MYBPC1: variants seen among roughly 807,000 people sequenced by gnomAD.
MYBPC1 encodes myosin binding protein C1.
Under a neutral mutation model 147.1 loss-of-function variants are expected in MYBPC1, and 52 were observed. The ratio of observed to expected loss-of-function variants is 0.35; its 90% CI spans 0.28 to 0.45. The LOEUF is 0.45. Ranked by LOEUF, MYBPC1 falls within the 20% of genes least tolerant of loss-of-function variation. The pLI, the probability that MYBPC1 is intolerant of heterozygous loss-of-function variation, is 1.00. For missense variants in MYBPC1, 1,228 were observed against 1,440.3 expected (o/e 0.85, Z 2.39); for synonymous variants, 477 against 475.9 (o/e 1.00, Z -0.03).
downstream of MYBPC1, among the ~76,000 whole-genome samples, chr12:101,689,940 C>T (rs781325661): frequency 2.6e-5 from 4 of 152,014 alleles, no homozygotes; most frequent in Non-Finnish European, 4.4e-5. Context: ...TTTGGGAGGC[C>T]GAGGCAGGTG....
At chr12:101,636,528 C>T in intron 9 of MYBPC1, 144 bp from the exon 10 acceptor site, 1 of 721,366 alleles carries the variant, frequency 1.4e-6, no homozygotes, top group Non-Finnish European at 2.5e-6. Flanking sequence ...TAACATGTCA[C>T]TTGTGTGAAA....
chr12:101,675,438 T>C lies in MYBPC1; in HGVS notation c.2949+7T>C. The C allele has an allele frequency of 2.5e-6, 4 of 1,614,026 alleles. No individual in the cohort carries two copies. The highest frequency in any genetic ancestry group is 3.4e-6 in the Non-Finnish European group (4 of 1,179,942). The stretch of plus-strand genomic sequence containing the variant: ...GGCTGACAAGAAGAGCATGGTAAGG[T>C]CTGGCTTTCTCTGGTTCATCAGTAG... On this transcript the variant is annotated splice_region_variant and intron_variant, in intron 26 of 31. Coordinates refer to ENST00000361466, the MANE Select transcript of MYBPC1 (RefSeq NM_002465.4).
rs1222091771 is a variant in MYBPC1 at position 101,667,724 on chromosome 12, G to A, written c.2357-8G>A. 1.9e-6 allele frequency: 3 copies of A among 1,613,820 alleles called. No individual in the cohort carries two copies. Among genetic ancestry groups the A allele is most frequent in the Non-Finnish European group, 2.5e-6 (3 of 1,179,986 alleles). Reference sequence around the variant, plus strand: ...CTCCTTCTTTTCCTTTTCTTTTACGGACTTCAGCTGAGGACTGGATAGTTG... The same window carrying A: ...CTCCTTCTTTTCCTTTTCTTTTACGAACTTCAGCTGAGGACTGGATAGTTG... On this transcript the variant is annotated splice_region_variant and splice_polypyrimidine_tract_variant and intron_variant, in intron 22 of 31. Coordinates refer to ENST00000361466, the MANE Select transcript of MYBPC1 (RefSeq NM_002465.4).
intron 20 of MYBPC1, among the ~76,000 whole-genome samples, chr12:101,661,915 A>G (rs200421302): frequency 9.6e-5 from 1 of 10,400 alleles, no homozygotes; most frequent in Non-Finnish European, 3.3e-4. Flanking sequence ...AAAAAAAAAA[A>G]GAAAGAAAAA....
Position 101,669,877 on chromosome 12 carries a change from C to T in MYBPC1, c.2525-444C>T, listed in dbSNP as rs571717319. On this transcript the variant is annotated intron_variant, in intron 23 of 31. Coordinates refer to ENST00000361466, the MANE Select transcript of MYBPC1 (RefSeq NM_002465.4). Reference sequence around the variant, plus strand: ...GCTTGAACCCAGGAGGCGGAGGTTGCAGTGAGCAATGCCACTGCACTCCAG... The same window carrying T: ...GCTTGAACCCAGGAGGCGGAGGTTGTAGTGAGCAATGCCACTGCACTCCAG... 167 of 262,790 alleles carry T rather than the reference C, an allele frequency of 6.4e-4. 2 individuals are homozygous for T. The highest frequency in any genetic ancestry group is 4.8e-3 in the South Asian group (145 of 30,104). 16.3% of individuals were successfully genotyped at this position (262,790 alleles called of 1,614,324 possible).
At chr12:101,678,714 AG>A (rs1413845430) in intron 28 of MYBPC1, among the ~76,000 whole-genome samples, 2 of 152,222 alleles carry the variant, frequency 1.3e-5, no homozygotes, top group Non-Finnish European at 1.5e-5. Context: ...GAGATTAGAA[AG>A]GTTTCAAGGT....
intron 19 of MYBPC1, chr12:101,660,129 C>G: frequency 2.7e-6 from 1 of 375,282 alleles, no homozygotes; most frequent in Non-Finnish European, 4.9e-6. Context: ...TTAGATCTGC[C>G]TTGTCCTTAG....
At position 101,657,653 on chromosome 12, in the gene MYBPC1, G is replaced by C. The variant is rs116325991; in HGVS notation, c.1768-2019G>C. ...CTAAAACTCACACAAGAAGAAATAG[G>C]CAATCAGAAAAGGATTATCTCTATT... On this transcript the variant is annotated intron_variant, in intron 18 of 31. Coordinates refer to ENST00000361466, the MANE Select transcript of MYBPC1 (RefSeq NM_002465.4). Among the ~76,000 whole-genome samples the C allele has an allele frequency of 4.9e-3, 749 of 152,214 alleles. 9 individuals carry two copies. The highest frequency in any genetic ancestry group is 0.017 in the African/African-American group (716 of 41,532).
intron 1 of MYBPC1, among the ~76,000 whole-genome samples, chr12:101,610,843 GTGCAGGCCCGGGC>G (rs1314818280): frequency 6.6e-6 from 1 of 152,202 alleles, no homozygotes; most frequent in Non-Finnish European, 1.5e-5. Flanking sequence ...GGGAAAGGAA[GTGCAGGCCCGGGC>G]TGCAGAGCCC....
chr12:101,666,620 C>G (rs1350832288), intron 22 of MYBPC1: 1 of 985,034 alleles, frequency 1.0e-6, no homozygotes, highest in Non-Finnish European at 1.6e-6. Flanking sequence ...CGTCACTGCT[C>G]TGAGGACAAA....
intron 20 of MYBPC1, among the ~76,000 whole-genome samples, chr12:101,661,652 G>A (rs1896568176): frequency 6.6e-6 from 1 of 152,066 alleles, no homozygotes. Flanking sequence ...ACTTTGGGAG[G>A]CCTAGGTGGG....
chr12:101,648,302 T>G, intron 14 of MYBPC1, 152 bp downstream of exon 14: 1 of 579,402 alleles, frequency 1.7e-6, no homozygotes, highest in Non-Finnish European at 3.1e-6. Context: ...AAAAGTATAC[T>G]AATATACTGG....
At position 101,649,538 on chromosome 12, in the gene MYBPC1, T is replaced by C. The variant is rs183784244; in HGVS notation, c.1363+112T>C. On this transcript the variant is annotated intron_variant, in intron 15 of 31. Coordinates refer to ENST00000361466, the MANE Select transcript of MYBPC1 (RefSeq NM_002465.4). ...TTCTATTTGCGATGATTTTTAAGTA[T>C]GTAAAATGGATTTCATTCCAGCTAA... 7 of 1,276,732 alleles carry C rather than the reference T, an allele frequency of 5.5e-6. No homozygotes were observed. In the African/African-American group the frequency reaches 5.9e-5, roughly 11 times the overall value. The allele number at this position is 1,276,732 out of a possible 1,614,324, so 79.1% of individuals were successfully genotyped here. A position where few individuals can be genotyped will look rare whatever the true frequency, so the allele number is the denominator to read the frequency against.
chr12:101,630,831 C>A (rs1190447448), intron 6 of MYBPC1, among the ~76,000 whole-genome samples: 1 of 152,096 alleles, frequency 6.6e-6, no homozygotes, highest in East Asian at 1.9e-4. Flanking sequence ...CCAAATAAAT[C>A]TTTATAAGGG....
chr12:101,643,562 A>G (rs1335476284), intron 11 of MYBPC1, among the ~76,000 whole-genome samples: 6 of 152,302 alleles, frequency 3.9e-5, no homozygotes, highest in Admixed American at 3.9e-4. Flanking sequence ...GAGCTTACCT[A>G]AACAATAGTA....
chr12:101,602,571 T>C (rs1284760373), intron 1 of MYBPC1, among the ~76,000 whole-genome samples: 1 of 152,168 alleles, frequency 6.6e-6, no homozygotes, highest in African/African-American at 2.4e-5. Flanking sequence ...AGCATTTTCC[T>C]CCTAAAGCAG....
chr12:101,651,504 T>C (rs1181010687), intron 16 of MYBPC1, 111 bp downstream of exon 16: 7 of 1,413,094 alleles, frequency 5.0e-6, no homozygotes, highest in Non-Finnish European at 7.0e-6. Flanking sequence ...AGGGAGATCA[T>C]CTATTCCTGA....
At chr12:101,619,820 T>C (rs904217522) in intron 3 of MYBPC1, among the ~76,000 whole-genome samples, 4 of 152,240 alleles carry the variant, frequency 2.6e-5, no homozygotes, top group African/African-American at 9.6e-5. Context: ...CTATTAAGAA[T>C]ATTATTCATC....
intron 3 of MYBPC1, among the ~76,000 whole-genome samples, chr12:101,623,024 A>T (rs1274844668): frequency 6.6e-6 from 1 of 152,138 alleles, no homozygotes; most frequent in African/African-American, 2.4e-5. Flanking sequence ...CTACTCACCT[A>T]TCAAATTTTT....
Sources: allele counts gnomAD v4.1 joint callset (sites outside exome capture counted in the v4.1 genomes callset), GRCh38; gene constraint gnomAD v4.1.1; transcripts MANE v1.5; gene names NCBI Gene and HGNC (gene_info 2026-07-23, HGNC 2026-07-21).